Variants in KY observed in about 807,000 individuals in gnomAD.
The protein encoded by KY is kyphoscoliosis peptidase.
Under a neutral mutation model 76.1 loss-of-function variants are expected in KY, and 43 were observed. The observed-to-expected ratio is 0.57, with a 90% CI of 0.44 to 0.73. KY has a LOEUF of 0.73. Ranked by LOEUF, KY falls within the 30% of genes least tolerant of loss-of-function variation. The pLI is 0.00. For synonymous variants in KY, 277 were observed against 326.2 expected (o/e 0.85, Z 1.63); for missense variants, 722 against 828.9 (o/e 0.87, Z 1.58).
intron 3 of KY, among the ~76,000 whole-genome samples, chr3:134,636,375 T>G (rs762407707): frequency 1.3e-5 from 2 of 152,230 alleles, no homozygotes; most frequent in Non-Finnish European, 2.9e-5. Context: ...GGGCTGGGCT[T>G]TTGACTTGGT....
At chr3:134,629,556 G>T in intron 4 of KY, 65 bp downstream of exon 4, 1 of 1,305,736 alleles carries the variant, frequency 7.7e-7, no homozygotes, top group Non-Finnish European at 1.1e-6. Context: ...CTGGGATCTG[G>T]CCCAACCAGC....
rs765278820 is a variant in KY at position 134,650,805 on chromosome 3, C to T, written c.136+20G>A. The T allele has an allele frequency of 1.7e-5, 26 of 1,554,968 alleles. No individual in the cohort carries two copies. Among genetic ancestry groups the T allele is most frequent in the Non-Finnish European group, 2.0e-5 (23 of 1,150,430 alleles). On this transcript the variant is annotated intron_variant, in intron 1 of 10. Transcript: ENST00000423778. ...CCAAGGTGCCGGGGGACCCGGGGACCCGGGTCGGGCGCGCGTTACCTCCTC... is the reference window on the plus strand; with the variant it reads ...CCAAGGTGCCGGGGGACCCGGGGACTCGGGTCGGGCGCGCGTTACCTCCTC...
Position 134,603,430 on chromosome 3 carries a change from C to G in KY, c.*149G>C, listed in dbSNP as rs981537702. The G allele has an allele frequency of 8.7e-5, 60 of 686,970 alleles. No homozygotes were observed. Among genetic ancestry groups the G allele is most frequent in the Non-Finnish European group, 1.4e-5 (6 of 414,542 alleles). 42.6% of individuals were successfully genotyped at this position (686,970 alleles called of 1,614,324 possible). The stretch of plus-strand genomic sequence containing the variant: ...CCTTCAGAACACAAAGATCACAGCT[C>G]CTGTGGCAGAGGTGGGACACTGAGG... On this transcript the variant is annotated 3_prime_UTR_variant, in exon 11 of 11. Coordinates refer to ENST00000423778, the MANE Select transcript of KY (RefSeq NM_178554.6).
intron 5 of KY, among the ~76,000 whole-genome samples, chr3:134,626,885 A>G (rs1228949063): frequency 6.6e-6 from 1 of 152,218 alleles, no homozygotes; most frequent in African/African-American, 2.4e-5. Context: ...GCCTCTTTTC[A>G]GTGCCCTCTT....
chr3:134,624,923 A>G lies in KY; in HGVS notation c.483+130T>C. ...TCTGTCCCCACCCATATGCTATGAAAAGGCATTCCAGGGCCATCCAACCAA... is the reference window on the plus strand; with the variant it reads ...TCTGTCCCCACCCATATGCTATGAAGAGGCATTCCAGGGCCATCCAACCAA... On this transcript the variant is annotated intron_variant, in intron 6 of 10. Coordinates refer to ENST00000423778, the MANE Select transcript of KY (RefSeq NM_178554.6). 3.8e-6 allele frequency: 3 copies of G among 780,022 alleles called. No individual in the cohort carries two copies. The South Asian group carries it at 4.9e-5, about 13-fold the overall frequency. The allele number at this position is 780,022 out of a possible 1,614,324, so 48.3% of individuals were successfully genotyped here.
rs149197974 is a variant in KY, at chr3:134,616,763, T to C, written c.710+2385A>G. 4.9e-3 allele frequency among the ~76,000 whole-genome samples: 749 copies of C among 152,288 alleles called. 7 individuals are homozygous for C. The highest frequency in any genetic ancestry group is 0.017 in the African/African-American group (718 of 41,554). On this transcript the variant is annotated intron_variant, in intron 8 of 10. Coordinates refer to ENST00000423778, the MANE Select transcript of KY (RefSeq NM_178554.6). ...GGCAAGTGTCAATTTTCTGAATCTA[T>C]GTAGGCTGGCAGAGTCTGTAGGAAA...
chr3:134,615,717 T>A (rs924536237), intron 8 of KY, among the ~76,000 whole-genome samples: 1 of 152,120 alleles, frequency 6.6e-6, no homozygotes, highest in Admixed American at 6.5e-5. Context: ...CAGCATCAGA[T>A]TTGGTGATAA....
At chr3:134,647,674 A>G (rs1355084708) in intron 1 of KY, among the ~76,000 whole-genome samples, 177 bp from the exon 2 acceptor site, 1 of 152,218 alleles carries the variant, frequency 6.6e-6, no homozygotes, top group Non-Finnish European at 1.5e-5. Context: ...CAAAATTCAA[A>G]ACATTTAAAA....
intron 5 of KY, among the ~76,000 whole-genome samples, chr3:134,626,191 T>C (rs1404082609): frequency 6.6e-6 from 1 of 152,196 alleles, no homozygotes; most frequent in Non-Finnish European, 1.5e-5. Context: ...GAGCCCCTGA[T>C]CCAGGTGGAC....
chr3:134,610,214 T>G lies in KY; in HGVS notation c.880A>C (p.Thr294Pro), dbSNP rs1296933128. 1 of 1,612,196 alleles carries G rather than the reference T, an allele frequency of 6.2e-7. No individual in the cohort carries two copies. The highest frequency in any genetic ancestry group is 1.3e-5 in the African/African-American group (1 of 74,646). The change falls in exon 9 of 11, where the codon ACC becomes CCC. Residue 294 changes from threonine (T) to proline (P), a missense_variant. By Grantham distance (38) the Thr-to-Pro change is conservative. Coordinates refer to ENST00000423778, the MANE Select transcript of KY (RefSeq NM_178554.6). Reference protein sequence around the residue: ...TWGSGLVDTITSKFTFLYNEF... With the variant: ...TWGSGLVDTIPSKFTFLYNEF... ...ACTTACAGGAAGGTGAATTTGGAGG[T>G]GATGGTGTCCACCAGGCCGCTGCCC...
At chr3:134,606,593 G>A (rs910765495) in intron 10 of KY, among the ~76,000 whole-genome samples, 10 of 152,152 alleles carry the variant, frequency 6.6e-5, no homozygotes, top group African/African-American at 2.4e-4. Context: ...AATTCATCAT[G>A]TGATCATTTT....
At chr3:134,635,262 C>T (rs1026875853) in intron 3 of KY, among the ~76,000 whole-genome samples, 15 of 151,962 alleles carry the variant, frequency 9.9e-5, no homozygotes, top group Admixed American at 6.6e-5. Context: ...TTTGGGAGGC[C>T]GAGGTGGGTG....
chr3:134,635,051 T>G (rs901199423), intron 3 of KY, among the ~76,000 whole-genome samples: 1 of 152,216 alleles, frequency 6.6e-6, no homozygotes, highest in African/African-American at 2.4e-5. Flanking sequence ...TGTTGGGCAT[T>G]TATCCCAGAG....
intron 5 of KY, among the ~76,000 whole-genome samples, chr3:134,625,763 T>C (rs1418135281): frequency 6.6e-6 from 1 of 152,246 alleles, no homozygotes; most frequent in Non-Finnish European, 1.5e-5. Flanking sequence ...GATGGCGTTC[T>C]GGTAACAGGG....
intron 9 of KY, 93 bp downstream of exon 9, chr3:134,610,102 C>G: frequency 6.5e-6 from 9 of 1,376,810 alleles, no homozygotes; most frequent in South Asian, 1.3e-5. Flanking sequence ...CTTCCCCTCC[C>G]GCTTGGTCTT....
intron 4 of KY, 184 bp downstream of exon 4, chr3:134,629,437 T>C (rs1159304162): frequency 3.5e-6 from 2 of 563,940 alleles, no homozygotes; most frequent in Non-Finnish European, 6.4e-6. Context: ...AAATCAGCGG[T>C]AGCTGGGTGT....
At chr3:134,643,228 G>T in intron 3 of KY, 88 bp downstream of exon 3, 1 of 1,292,870 alleles carries the variant, frequency 7.7e-7, no homozygotes, top group Non-Finnish European at 1.1e-6. Context: ...CATAGTCTGA[G>T]CTCCACATCC....
intron 3 of KY, among the ~76,000 whole-genome samples, chr3:134,639,380 A>G (rs1965422575): frequency 6.6e-6 from 1 of 152,142 alleles, no homozygotes; most frequent in South Asian, 2.1e-4. Context: ...AGTGTTCCAG[A>G]GCTCAGGGCT....
At chr3:134,647,850 A>T (rs897230273) in intron 1 of KY, among the ~76,000 whole-genome samples, 1 of 152,176 alleles carries the variant, frequency 6.6e-6, no homozygotes, top group African/African-American at 2.4e-5. Context: ...CTATTTCTGT[A>T]TGTGGTGAAT....
Sources: gnomAD v4.1 joint callset for allele counts (sites outside exome capture counted in the v4.1 genomes callset) on GRCh38, gnomAD v4.1.1 for gene constraint, MANE v1.5 for transcripts, NCBI Gene and HGNC (gene_info 2026-07-23, HGNC 2026-07-21) for gene names.